The following CACNA2D1 variants were observed in gnomAD, a reference collection of about 807,000 sequenced individuals.
CACNA2D1 encodes the protein calcium voltage-gated channel auxiliary subunit alpha2delta 1, also known as voltage-dependent calcium channel subunit alpha-2/delta-1.
A neutral mutation model predicts 171.5 loss-of-function variants in CACNA2D1; 53 were observed. The observed-to-expected ratio is 0.31, with a 90% CI of 0.25 to 0.39. The LOEUF is 0.39. Ranked by LOEUF, CACNA2D1 falls within the 10% of genes least tolerant of loss-of-function variation. The probability of loss-of-function intolerance (pLI) is 1.00; values close to 1 mark genes in which losing one functional copy is unlikely to be tolerated. For synonymous variants in CACNA2D1, 442 were observed against 443.1 expected (o/e 1.00, Z 0.03); for missense variants, 903 against 1,299.8 (o/e 0.69, Z 4.69).
intron 1 of CACNA2D1, among the ~76,000 whole-genome samples, chr7:82,360,772 C>T (rs1779669918): frequency 6.6e-6 from 1 of 152,032 alleles, no homozygotes; most frequent in Non-Finnish European, 1.5e-5. Flanking sequence ...AAACCAGGAC[C>T]CAAATTGACT....
At chr7:82,246,594 G>A (rs952266422) in intron 3 of CACNA2D1, among the ~76,000 whole-genome samples, 1 of 152,110 alleles carries the variant, frequency 6.6e-6, no homozygotes, top group African/African-American at 2.4e-5. Flanking sequence ...AGAGTAGGGA[G>A]AATGTTGAAG....
intron 3 of CACNA2D1, among the ~76,000 whole-genome samples, chr7:82,271,557 A>G (rs1472734680): frequency 6.6e-6 from 1 of 152,132 alleles, no homozygotes; most frequent in Non-Finnish European, 1.5e-5. Flanking sequence ...GACTATCATC[A>G]ATACCACCAC....
intron 4 of CACNA2D1, among the ~76,000 whole-genome samples, chr7:82,144,618 T>G (rs565183888): frequency 1.3e-4 from 19 of 145,976 alleles, no homozygotes; most frequent in African/African-American, 4.7e-4. Flanking sequence ...AATGTTTCCT[T>G]AGCTCCTATA....
intron 17 of CACNA2D1, 23 bp from the exon 18 acceptor site, chr7:82,005,520 AG>A (rs1209929593): frequency 1.4e-6 from 2 of 1,398,852 alleles, no homozygotes; most frequent in Non-Finnish European, 2.0e-6. Context: ...AAAAAAAAAA[AG>A]CTTGGATATG....
At chr7:82,435,883 A>G (rs537057408) in intron 1 of CACNA2D1, among the ~76,000 whole-genome samples, 1 of 152,312 alleles carries the variant, frequency 6.6e-6, no homozygotes, top group Non-Finnish European at 1.5e-5. Context: ...GATGCAAGAA[A>G]TTTATAACCA....
intron 10 of CACNA2D1, among the ~76,000 whole-genome samples, chr7:82,046,572 G>T (rs754246611): frequency 2.0e-5 from 3 of 152,138 alleles, no homozygotes; most frequent in Non-Finnish European, 2.9e-5. Context: ...GCTGCAGATT[G>T]CTCCTTTCTG....
chr7:82,426,481 A>C (rs1481319490), intron 1 of CACNA2D1, among the ~76,000 whole-genome samples: 2 of 152,150 alleles, frequency 1.3e-5, no homozygotes, highest in African/African-American at 4.8e-5. Context: ...GCATAATGTA[A>C]TTGATTTTTA....
At chr7:82,093,795 C>T (rs181982590) in intron 6 of CACNA2D1, among the ~76,000 whole-genome samples, 15 of 152,224 alleles carry the variant, frequency 9.9e-5, no homozygotes, top group Admixed American at 9.2e-4. Context: ...ACCACCCACA[C>T]ATACACAGGC....
intron 3 of CACNA2D1, among the ~76,000 whole-genome samples, chr7:82,234,073 C>T (rs936916850): frequency 2.6e-5 from 4 of 152,036 alleles, no homozygotes; most frequent in African/African-American, 9.7e-5. Context: ...CTGATAGCAA[C>T]TTCTTTAATC....
chr7:82,208,714 A>G (rs1305815171), intron 3 of CACNA2D1, among the ~76,000 whole-genome samples: 1 of 152,122 alleles, frequency 6.6e-6, no homozygotes, highest in Non-Finnish European at 1.5e-5. Context: ...TATCCAAGAA[A>G]AGCCCCAGTA....
intron 3 of CACNA2D1, among the ~76,000 whole-genome samples, chr7:82,198,778 A>C (rs1799106055): frequency 6.6e-6 from 1 of 151,940 alleles, no homozygotes. Context: ...TACTCTATTA[A>C]TACTATGCTG....
In CACNA2D1 at chr7:82,422,667, A is replaced by G. The variant is rs181218172; in HGVS notation, c.95+20698T>C. 1.3e-3 allele frequency among the ~76,000 whole-genome samples: 202 copies of G among 152,276 alleles called. 3 individuals are homozygous for G. The highest frequency in any genetic ancestry group is 0.013 in the Admixed American group (201 of 15,278). On this transcript the variant is annotated intron_variant, in intron 1 of 38. Coordinates refer to ENST00000356860, the MANE Select transcript of CACNA2D1 (RefSeq NM_000722.4). ...GAAAAACTCCATAGAAGTTCTTGAG[A>G]CAGCTGTTCCGGAAGAAGTGTATAG... is the stretch of plus-strand genomic sequence containing the variant.
intron 32 of CACNA2D1, among the ~76,000 whole-genome samples, 180 bp downstream of exon 32, chr7:81,965,412 CAT>C (rs1249643491): frequency 6.6e-6 from 1 of 151,904 alleles, no homozygotes; most frequent in Non-Finnish European, 1.5e-5. Flanking sequence ...AATCAAATAA[CAT>C]AAAAACTAGA....
At chr7:82,294,810 G>A (rs1399181984) in intron 3 of CACNA2D1, among the ~76,000 whole-genome samples, 3 of 152,030 alleles carry the variant, frequency 2.0e-5, no homozygotes, top group African/African-American at 7.2e-5. Flanking sequence ...ATAAATTTGA[G>A]TTAATTTTTT....
At chr7:82,399,141 CTT>C (rs1371568449) in intron 1 of CACNA2D1, among the ~76,000 whole-genome samples, 1 of 151,898 alleles carries the variant, frequency 6.6e-6, no homozygotes, top group Non-Finnish European at 1.5e-5. Flanking sequence ...AAAAGGAACT[CTT>C]GTTTCCACTC....
chr7:82,101,126 T>A (rs1812626048), intron 6 of CACNA2D1, among the ~76,000 whole-genome samples: 1 of 152,106 alleles, frequency 6.6e-6, no homozygotes, highest in African/African-American at 2.4e-5. Context: ...TATAAGTAGA[T>A]TAAATTTGTA....
At position 81,961,820 on chromosome 7, in the gene CACNA2D1, CAATTTCTTAATGATTATAACAGTATAT is replaced by C; in HGVS notation, c.2966+47_2966+73del. Reference sequence around the variant, plus strand: ...TCTGTAATGATTATAACAGTATATACAATTTCTTAATGATTATAACAGTATATACAATTTCTTAATGAAATAGGACTA... The same window carrying C: ...TCTGTAATGATTATAACAGTATATACACAATTTCTTAATGAAATAGGACTA... On this transcript the variant is annotated intron_variant, in intron 36 of 38. Coordinates refer to ENST00000356860, the MANE Select transcript of CACNA2D1 (RefSeq NM_000722.4). 4 of 117,476 alleles carry C rather than the reference CAATTTCTTAATGATTATAACAGTATAT, an allele frequency of 3.4e-5. No individual in the cohort carries two copies. The East Asian group carries it at 2.7e-3, about 80-fold the overall frequency. The allele number at this position is 117,476 out of a possible 1,614,324, so 7.3% of individuals were successfully genotyped here. A position where few individuals can be genotyped will look rare whatever the true frequency, so the allele number is the denominator to read the frequency against.
intron 3 of CACNA2D1, among the ~76,000 whole-genome samples, chr7:82,182,763 C>A (rs1797269577): frequency 6.6e-6 from 1 of 152,048 alleles, no homozygotes; most frequent in Non-Finnish European, 1.5e-5. Context: ...ATTGCCCAGG[C>A]ACGGTGGGTC....
chr7:82,024,123 T>C (rs1190004503), intron 12 of CACNA2D1, among the ~76,000 whole-genome samples: 1 of 151,730 alleles, frequency 6.6e-6, no homozygotes, highest in Admixed American at 6.6e-5. Flanking sequence ...AATATAGAAG[T>C]ACTCTTCAAG....
Sources: gnomAD v4.1 joint callset for allele counts (sites outside exome capture counted in the v4.1 genomes callset) on GRCh38, gnomAD v4.1.1 for gene constraint, MANE v1.5 for transcripts, NCBI Gene and HGNC (gene_info 2026-07-23, HGNC 2026-07-21) for gene names.